KLK15: variants seen among roughly 807,000 people sequenced by gnomAD.
KLK15 encodes kallikrein related peptidase 15, also known as kallikrein-15.
KLK15 carries 19 observed loss-of-function variants against 21.1 expected under a neutral mutation model. That is an observed-to-expected ratio of 0.90 (90% confidence interval 0.63 to 1.32). The LOEUF is 1.32. KLK15 is among the 40% of genes most tolerant of loss of function. KLK15 has a pLI of 0.00. For missense variants in KLK15, 345 were observed against 348.6 expected (o/e 0.99, Z 0.08); for synonymous variants, 141 against 141.5 (o/e 1.00, Z 0.03).
chr19:50,832,868 A>T (rs1379617054), upstream of KLK15, among the ~76,000 whole-genome samples: 1 of 152,050 alleles, frequency 6.6e-6, no homozygotes, highest in East Asian at 1.9e-4. Context: ...CTCCCCGAGG[A>T]GCTGGTCTGA....
chr19:50,829,167 A>C (rs1361969602), intron 1 of KLK15, among the ~76,000 whole-genome samples: 1 of 151,376 alleles, frequency 6.6e-6, no homozygotes, highest in Non-Finnish European at 1.5e-5. Context: ...ACACTTGCAT[A>C]CAGGGTCTGG....
Position 50,825,928 on chromosome 19 carries a change from CA to C in KLK15, c.638del (p.Leu213ArgfsTer41), listed in dbSNP as rs757431627. On this transcript the variant is annotated frameshift_variant, in exon 5 of 5. Transcript: ENST00000598239. LOFTEE classifies it low-confidence loss of function (END_TRUNC). ...TGCCCTGCAGGATGCCCCCACAGAC[CA>C]GGGGTCCCCCAGAGTCACCCTGTGG... The C allele has an allele frequency of 1.2e-5, 19 of 1,613,366 alleles. No homozygotes were observed. The African/African-American group carries it at 2.4e-4, about 20-fold the overall frequency.
intron 4 of KLK15, 42 bp downstream of exon 5, chr19:50,826,579 C>A: frequency 6.5e-7 from 1 of 1,544,626 alleles, no homozygotes; most frequent in Non-Finnish European, 8.7e-7. Flanking sequence ...ACACCTGTCC[C>A]CATCCCTCTT....
exon 3 of KLK15, chr19:50,826,972 C>A: frequency 6.2e-7 from 1 of 1,606,276 alleles, no homozygotes; most frequent in Non-Finnish European, 8.5e-7. Flanking sequence ...GGGGGCAACG[C>A]GTGGGTAGCA....
At chr19:50,829,075 C>CACAA (rs1325450257) in intron 1 of KLK15, among the ~76,000 whole-genome samples, 1 of 149,960 alleles carries the variant, frequency 6.7e-6, no homozygotes, top group African/African-American at 2.5e-5. Flanking sequence ...CACATGCACA[C>CACAA]ACAAACACAC....
downstream of KLK15, chr19:50,825,731 C>T (rs569550472): frequency 3.7e-5 from 56 of 1,523,284 alleles, no homozygotes; most frequent in African/African-American, 1.6e-4. Context: ...CCATGTCAGG[C>T]GGGGCTGCTG....
chr19:50,831,525 TG>T (rs1331079922), upstream of KLK15: 9 of 1,453,088 alleles, frequency 6.2e-6, no homozygotes, highest in Admixed American at 3.4e-5. Context: ...GGCTGCAGTC[TG>T]GGGAGGGAGT....
upstream of KLK15, among the ~76,000 whole-genome samples, chr19:50,832,322 C>CTTTTTTTTTTTTTTTTT (rs773163899): frequency 4.6e-5 from 5 of 109,436 alleles, no homozygotes; most frequent in African/African-American, 6.7e-5. Context: ...CTTTTTTTTT[C>CTTTTTTTTTTTTTTTTT]TTTTTTTTTT....
At chr19:50,831,639 T>TCC, upstream of KLK15, 1 of 531,440 alleles carries the variant, frequency 1.9e-6, no homozygotes, top group Non-Finnish European at 3.1e-6. Context: ...ACCACCGGTA[T>TCC]CCCCTTCCCC....
rs1343410688 is a variant in KLK15, at chr19:50,827,172, G to T, written c.198-11C>A. The T allele has an allele frequency of 1.3e-6, 2 of 1,561,288 alleles. No individual in the cohort carries two copies. Among genetic ancestry groups the T allele is most frequent in the Non-Finnish European group, 1.7e-6 (2 of 1,157,788 alleles). On this transcript the variant is annotated splice_polypyrimidine_tract_variant and intron_variant, in intron 2 of 4. Transcript: ENST00000598239. ...CGCACTCTCATGAAGCTGTGCGGGCGAGTGGTTTTCCCGCCAGTGGAGTGC... is the reference window on the plus strand; with the variant it reads ...CGCACTCTCATGAAGCTGTGCGGGCTAGTGGTTTTCCCGCCAGTGGAGTGC...
At chr19:50,829,017 A>G (rs2089936150) in intron 1 of KLK15, among the ~76,000 whole-genome samples, 1 of 146,472 alleles carries the variant, frequency 6.8e-6, no homozygotes, top group African/African-American at 2.5e-5. Flanking sequence ...AGATGTTCAT[A>G]TGTGTATATG....
intron 1 of KLK15, 90 bp downstream of exon 2, chr19:50,831,360 G>C: frequency 1.1e-6 from 1 of 934,146 alleles, no homozygotes; most frequent in Non-Finnish European, 1.5e-6. Flanking sequence ...CTCTGGGTGA[G>C]GTAGGGGCTG....
chr19:50,829,367 C>T (rs1365261226), intron 1 of KLK15, among the ~76,000 whole-genome samples: 2 of 151,690 alleles, frequency 1.3e-5, no homozygotes, highest in Non-Finnish European at 2.9e-5. Context: ...CTGGTAGCTA[C>T]TTAATAATAT....
At chr19:50,829,209 T>C (rs1397711864) in intron 1 of KLK15, among the ~76,000 whole-genome samples, 1 of 151,408 alleles carries the variant, frequency 6.6e-6, no homozygotes, top group African/African-American at 2.4e-5. Flanking sequence ...TGGGTTCGAA[T>C]GTACTAGCTG....
exon 5 of KLK15, chr19:50,825,926 A>T (rs1484000118): frequency 6.2e-7 from 1 of 1,613,518 alleles, no homozygotes; most frequent in Non-Finnish European, 8.5e-7. Flanking sequence ...GCCCCCACAG[A>T]CCAGGGGTCC....
At chr19:50,827,017 C>G in exon 3 of KLK15, 3 of 1,605,876 alleles carry the variant, frequency 1.9e-6, no homozygotes, top group Non-Finnish European at 2.5e-6. Flanking sequence ...GGCGTGCGGG[C>G]TGGACTAGGC....
upstream of KLK15, among the ~76,000 whole-genome samples, chr19:50,831,967 G>A (rs1415595453): frequency 8.6e-5 from 13 of 151,552 alleles, no homozygotes; most frequent in African/African-American, 1.7e-4. Context: ...GCCCACCACC[G>A]TGCCCGGCTA....
upstream of KLK15, among the ~76,000 whole-genome samples, chr19:50,831,810 C>T (rs2089990321): frequency 6.9e-6 from 1 of 145,622 alleles, no homozygotes; most frequent in African/African-American, 2.5e-5. Context: ...GGACCCCTGT[C>T]CCAACTTTTT....
At chr19:50,827,147 C>G (rs115716744) in exon 3 of KLK15, 2 of 1,590,064 alleles carry the variant, frequency 1.3e-6, no homozygotes. Flanking sequence ...CTCTCCCAGG[C>G]GCACTCTCAT....
Sources: gnomAD v4.1 joint callset for allele counts (sites outside exome capture counted in the v4.1 genomes callset) on GRCh38, gnomAD v4.1.1 for gene constraint, MANE v1.5 for transcripts, NCBI Gene and HGNC (gene_info 2026-07-23, HGNC 2026-07-21) for gene names.